Variants in EXD3 observed in about 807,000 individuals in gnomAD.
The protein encoded by EXD3 is exonuclease 3'-5' domain containing 3, also known as exonuclease mut-7 homolog.
EXD3 carries 92 observed loss-of-function variants against 98.0 expected under a neutral mutation model. The ratio of observed to expected loss-of-function variants is 0.94; its 90% confidence interval spans 0.79 to 1.12. The LOEUF is 1.12. Among genes scored for constraint, EXD3 ranks in the 50% most tolerant of loss-of-function variants. EXD3 has a pLI of 0.00. For synonymous variants in EXD3, 569 were observed against 526.0 expected (o/e 1.08, Z -1.12); for missense variants, 1,222 against 1,191.6 (o/e 1.03, Z -0.38).
intron 19 of EXD3, among the ~76,000 whole-genome samples, chr9:137,312,430 C>G (rs998798005): frequency 6.6e-6 from 1 of 152,204 alleles, no homozygotes; most frequent in Admixed American, 6.5e-5. Context: ...AGCCCTGACA[C>G]AGGGCACTTC....
chr9:137,373,785 C>A (rs1564523930), intron 3 of EXD3, among the ~76,000 whole-genome samples, 186 bp from the exon 4 acceptor site: 1 of 152,272 alleles, frequency 6.6e-6, no homozygotes, highest in East Asian at 1.9e-4. Flanking sequence ...CCCAGGCCCC[C>A]AGGGGCGGTG....
chr9:137,417,080 AC>A (rs1233809986), intron 1 of EXD3, among the ~76,000 whole-genome samples: 1 of 152,004 alleles, frequency 6.6e-6, no homozygotes, highest in African/African-American at 2.4e-5. Flanking sequence ...GGAGAGGGCG[AC>A]CCTCGTGACG....
intron 1 of EXD3, among the ~76,000 whole-genome samples, chr9:137,411,599 G>A (rs1247090252): frequency 6.6e-6 from 1 of 151,724 alleles, no homozygotes; most frequent in African/African-American, 2.4e-5. Context: ...CTCAGAGGTG[G>A]CCATGGCAGG....
rs553407759 is a variant in EXD3 at position 137,316,702 on chromosome 9, G to A, written c.2185-7002C>T. ...AGGCTGCTCCGGGCTGCAGGGGCTG[G>A]GGGACAACAGAGTGGGGCGAGGGCC... On this transcript the variant is annotated intron_variant, in intron 19 of 21. Coordinates refer to ENST00000340951, the MANE Select transcript of EXD3 (RefSeq NM_017820.5). 7.2e-5 allele frequency among the ~76,000 whole-genome samples: 11 copies of A among 152,336 alleles called. No homozygotes were observed. In the South Asian group the frequency reaches 2.1e-3, roughly 29 times the overall value.
chr9:137,350,762 G>C (rs377339504), intron 14 of EXD3, among the ~76,000 whole-genome samples: 3 of 152,128 alleles, frequency 2.0e-5, no homozygotes, highest in East Asian at 3.9e-4. Flanking sequence ...CCTCCAAGTG[G>C]AACCCAGGGC....
intron 1 of EXD3, among the ~76,000 whole-genome samples, chr9:137,400,261 C>A (rs1837416215): frequency 6.6e-6 from 1 of 152,106 alleles, no homozygotes; most frequent in Non-Finnish European, 1.5e-5. Flanking sequence ...TCCGTCCCGG[C>A]CCCTCCAAAT....
intron 1 of EXD3, among the ~76,000 whole-genome samples, chr9:137,397,044 C>T (rs1156951628): frequency 6.6e-6 from 1 of 152,198 alleles, no homozygotes; most frequent in Non-Finnish European, 1.5e-5. Context: ...CAGGAGGACC[C>T]CCGAGCCTCC....
Position 137,399,259 on chromosome 9 carries a change from C to T in EXD3, c.-47-3855G>A, listed in dbSNP as rs369639517. On this transcript the variant is annotated intron_variant, in intron 1 of 21. Transcript: ENST00000340951. ...GCATCTTCTGGGGAGACCCCGGGGC[C>T]GTGGCCGGATCCCAGCAGGACGGAC... Among the ~76,000 whole-genome samples the T allele has an allele frequency of 4.4e-4, 67 of 152,324 alleles. 1 individual carries two copies. In the East Asian group the frequency reaches 0.01, roughly 24 times the overall value.
At chr9:137,404,520 AT>A (rs986283051) in intron 1 of EXD3, among the ~76,000 whole-genome samples, 9 of 152,228 alleles carry the variant, frequency 5.9e-5, no homozygotes, top group Non-Finnish European at 1.2e-4. Context: ...GTAATACAAT[AT>A]TTGGAAAACT....
intron 17 of EXD3, among the ~76,000 whole-genome samples, chr9:137,327,133 G>A (rs1279531229): frequency 2.0e-5 from 3 of 150,618 alleles, no homozygotes; most frequent in African/African-American, 7.3e-5. Flanking sequence ...TTGGTACGGA[G>A]TCTTTTTTTT....
intron 17 of EXD3, among the ~76,000 whole-genome samples, chr9:137,343,960 C>T (rs543658095): frequency 1.1e-4 from 15 of 131,888 alleles, no homozygotes; most frequent in African/African-American, 3.2e-4. Context: ...GGCACGATCT[C>T]GGCTCACTGC....
At chr9:137,355,490 G>GACCTAGAAACACTGCAAAATCCAGATAAA (rs748944988) in intron 8 of EXD3, among the ~76,000 whole-genome samples, 1 of 27,884 alleles carries the variant, frequency 3.6e-5, no homozygotes, top group Non-Finnish European at 7.4e-5. Flanking sequence ...GAGGAAGGAG[G>GACCTAGAAACACTGCAAAATCCAGATAAA]ATGGAGGAAG....
chr9:137,323,283 A>C (rs36164560), intron 19 of EXD3, among the ~76,000 whole-genome samples: 3 of 3,164 alleles, frequency 9.5e-4, no homozygotes, highest in African/African-American at 6.7e-3. Context: ...ACGAGGGATG[A>C]TCTGCCGACA....
rs996979680 is a variant in EXD3, at chr9:137,407,796, T to C, written c.-47-12392A>G. Among the ~76,000 whole-genome samples the C allele has an allele frequency of 6.7e-6, 1 of 148,712 alleles. No individual in the cohort carries two copies. The highest frequency in any genetic ancestry group is 2.4e-5 in the African/African-American group (1 of 40,960). On this transcript the variant is annotated intron_variant, in intron 1 of 21. Coordinates refer to ENST00000340951, the MANE Select transcript of EXD3 (RefSeq NM_017820.5). This position sits in a 1 kb window ranked among gnomAD's most constrained non-coding sequence, Gnocchi z 4.4. ...ACGGGTCCACAGGCATTCGAGGTCT[T>C]GGATGCGCCGGCTGGACCCAAGGAC...
intron 3 of EXD3, among the ~76,000 whole-genome samples, chr9:137,375,355 C>T (rs1363695432): frequency 6.6e-6 from 1 of 152,260 alleles, no homozygotes; most frequent in South Asian, 2.1e-4. Context: ...TGAGTTCCAG[C>T]TCTAGTGAGT....
intron 17 of EXD3, among the ~76,000 whole-genome samples, chr9:137,342,796 G>A (rs1178385260): frequency 6.6e-6 from 1 of 152,148 alleles, no homozygotes; most frequent in African/African-American, 2.4e-5. Flanking sequence ...AATAGCTAGG[G>A]AACATATGGA....
At chr9:137,309,564 T>TCCCAGGCCC in intron 20 of EXD3, 43 bp downstream of exon 20, 1 of 1,504,686 alleles carries the variant, frequency 6.6e-7, no homozygotes, top group Non-Finnish European at 9.0e-7. Context: ...GGTCGACCCA[T>TCCCAGGCCC]CCCAGGCCCC....
At chr9:137,370,903 G>A (rs1005518969) in intron 5 of EXD3, among the ~76,000 whole-genome samples, 7 of 152,088 alleles carry the variant, frequency 4.6e-5, no homozygotes, top group African/African-American at 1.7e-4. Flanking sequence ...TCCTGCCCAG[G>A]GCCAGCCGCT....
intron 17 of EXD3, among the ~76,000 whole-genome samples, chr9:137,330,145 A>C (rs1832941222): frequency 8.4e-6 from 1 of 118,612 alleles, no homozygotes; most frequent in Non-Finnish European, 1.7e-5. Flanking sequence ...CAGGAACTAC[A>C]CCGGAGCTAC....
Sources: allele counts gnomAD v4.1 joint callset (sites outside exome capture counted in the v4.1 genomes callset), GRCh38; gene constraint gnomAD v4.1.1; non-coding constraint Gnocchi (gnomAD v3.1); transcripts MANE v1.5; gene names NCBI Gene and HGNC (gene_info 2026-07-23, HGNC 2026-07-21).